Variants in AVPR1A observed in about 807,000 individuals in gnomAD.
AVPR1A encodes arginine vasopressin receptor 1A, also known as vasopressin V1a receptor.
In AVPR1A, 31 loss-of-function variants were observed where a neutral mutation model predicts 31.5. That is an observed-to-expected ratio of 0.99 (90% CI 0.74 to 1.33). The LOEUF is 1.33. Ranked by LOEUF, AVPR1A falls within the 40% of genes most tolerant of loss-of-function variation. AVPR1A has a pLI of 0.00. For synonymous variants in AVPR1A, 243 were observed against 233.2 expected (o/e 1.04, Z -0.38); for missense variants, 570 against 575.2 (o/e 0.99, Z 0.09).
In AVPR1A at chr12:63,145,235, T is replaced by G; in HGVS notation, c.*2124A>C. On this transcript the variant is annotated 3_prime_UTR_variant, in exon 2 of 2. Coordinates refer to ENST00000299178, the MANE Select transcript of AVPR1A (RefSeq NM_000706.5). ...TTGAAAACCTAGGGAGTCCCTAGGT[T>G]TATAATCTCTATAAAGCATTTGGAA... 1 of 362,012 alleles carries G rather than the reference T, an allele frequency of 2.8e-6. No individual in the cohort carries two copies. The highest frequency in any genetic ancestry group is 5.3e-6 in the Non-Finnish European group (1 of 187,876). 22.4% of individuals were successfully genotyped at this position (362,012 alleles called of 1,614,324 possible).
chr12:63,149,489 G>C (rs554027050), intron 1 of AVPR1A, among the ~76,000 whole-genome samples: 6 of 152,264 alleles, frequency 3.9e-5, no homozygotes, highest in African/African-American at 1.4e-4. Flanking sequence ...ACAGTAGCTA[G>C]TGATTTAGCA....
At position 63,147,270 on chromosome 12, in the gene AVPR1A, A is replaced by G; in HGVS notation, c.*89T>C. ...TGAATTGATTTATGGTTATATTAAT[A>G]AAGTGTATTTGTTCTTGTGATTTCT... On this transcript the variant is annotated 3_prime_UTR_variant, in exon 2 of 2. Transcript: ENST00000299178. 5.7e-6 allele frequency: 8 copies of G among 1,414,974 alleles called. No individual in the cohort carries two copies. The highest frequency in any genetic ancestry group is 7.8e-6 in the Non-Finnish European group (8 of 1,026,670). 87.7% of individuals were successfully genotyped at this position (1,414,974 alleles called of 1,614,324 possible).
rs1868435889 is a variant in AVPR1A, at chr12:63,150,074, G to A, written c.763C>T (p.Gln255Ter). The change falls in exon 1 of 2, where the codon CAG becomes TAG. Residue 255 changes from glutamine to a stop codon, truncating the protein, a stop_gained. Transcript: ENST00000299178. LOFTEE classifies it high-confidence loss of function. This position sits in a 1 kb window ranked among gnomAD's most constrained non-coding sequence, Gnocchi z 4.9. ...CNVRGKTASRQSKGAEQAGVA... is the reference protein window; with the variant it reads ...CNVRGKTASR ...CCCGCTTGCTCTGCACCCTTGCTCT[G>A]GCGCGACGCCGTCTTCCCGCGGACG... 1.2e-6 allele frequency: 2 copies of A among 1,613,968 alleles called. No homozygotes were observed. Among genetic ancestry groups the A allele is most frequent in the Admixed American group, 1.7e-5 (1 of 60,004 alleles).
At position 63,149,876 on chromosome 12, in the gene AVPR1A, C is replaced by A. The variant is rs748353963; in HGVS notation, c.961G>T (p.Val321Phe). The A allele has an allele frequency of 1.2e-6, 2 of 1,613,110 alleles. No homozygotes were observed. The highest frequency in any genetic ancestry group is 8.5e-7 in the Non-Finnish European group (1 of 1,179,668). The stretch of plus-strand genomic sequence containing the variant: ...TTTTCCCGGCACGTACCGGTCCAGA[C>A]GGACATGGGATCCCAGACAGACCAC... The part of the protein sequence containing the change: ...QMWSVWDPMS[V>F]WTESENPTIT... Residue 321 changes from valine to phenylalanine, a missense_variant, in exon 1 of 2, where the codon GTC becomes TTC. Physicochemically the swap from Val to Phe is conservative, Grantham distance 50 (BLOSUM62 -1). Coordinates refer to ENST00000299178, the MANE Select transcript of AVPR1A (RefSeq NM_000706.5).
Position 63,144,378 on chromosome 12 carries a change from A to G in AVPR1A, c.*2981T>C, listed in dbSNP as rs1868342253. On this transcript the variant is annotated 3_prime_UTR_variant, in exon 2 of 2. Transcript: ENST00000299178. ...TCAGTTAATATTCATCAAATGCCCA[A>G]CTGATTAGTTTCTCCCTACTGGACA... The G allele has an allele frequency of 1.3e-5, 2 of 152,182 alleles. No individual in the cohort carries two copies. The highest frequency in any genetic ancestry group is 2.4e-5 in the African/African-American group (1 of 41,440). 9.4% of individuals were successfully genotyped at this position (152,182 alleles called of 1,614,324 possible). A position where few individuals can be genotyped will look rare whatever the true frequency, so the allele number is the denominator to read the frequency against.
At position 63,146,948 on chromosome 12, in the gene AVPR1A, T is replaced by C; in HGVS notation, c.*411A>G. 1 of 167,624 alleles carries C rather than the reference T, an allele frequency of 6.0e-6. No individual in the cohort carries two copies. The highest frequency in any genetic ancestry group is 1.6e-4 in the South Asian group (1 of 6,356). The allele number at this position is 167,624 out of a possible 1,614,324, so 10.4% of individuals were successfully genotyped here. A position where few individuals can be genotyped will look rare whatever the true frequency, so the allele number is the denominator to read the frequency against. Reference sequence around the variant, plus strand: ...AACATAATTTCTCTGAAGTTTTCTCTGAATATTAAGACTGATGATGAGCTC... The same window carrying C: ...AACATAATTTCTCTGAAGTTTTCTCCGAATATTAAGACTGATGATGAGCTC... On this transcript the variant is annotated 3_prime_UTR_variant, in exon 2 of 2. Coordinates refer to ENST00000299178, the MANE Select transcript of AVPR1A (RefSeq NM_000706.5).
At position 63,151,021 on chromosome 12, in the gene AVPR1A, A is replaced by G; in HGVS notation, c.-185T>C. On this transcript the variant is annotated 5_prime_UTR_variant, in exon 1 of 2. Coordinates refer to ENST00000299178, the MANE Select transcript of AVPR1A (RefSeq NM_000706.5). ...GGAGCAGCGTCCCGCCTGCCCACTGAGCAGCTCTCAGCAGGGTGAGCTGGC... is the reference window on the plus strand; with the variant it reads ...GGAGCAGCGTCCCGCCTGCCCACTGGGCAGCTCTCAGCAGGGTGAGCTGGC... The G allele has an allele frequency of 1.2e-6, 1 of 823,366 alleles. No individual in the cohort carries two copies. The highest frequency in any genetic ancestry group is 1.8e-6 in the Non-Finnish European group (1 of 549,084). The allele number at this position is 823,366 out of a possible 1,614,324, so 51.0% of individuals were successfully genotyped here.
At chr12:63,149,794 TCTCTCACACACACACA>T (rs1868425644) in intron 1 of AVPR1A, 57 bp downstream of exon 1, 4 of 1,330,298 alleles carry the variant, frequency 3.0e-6, no homozygotes, top group Admixed American at 2.4e-5. Context: ...TCTCTCTCTC[TCTCTCACACACACACA>T]CACACACACA....
rs1242719435 is a variant in AVPR1A, at chr12:63,145,289, A to G, written c.*2070T>C. ...TGTTTTTAGGCCTATCAATACAAGG[A>G]GCCTAAGGGCTGAGAATTTCAAAAG... On this transcript the variant is annotated 3_prime_UTR_variant, in exon 2 of 2. Transcript: ENST00000299178. 12 of 439,040 alleles carry G rather than the reference A, an allele frequency of 2.7e-5. No individual in the cohort carries two copies. The highest frequency in any genetic ancestry group is 5.4e-5 in the Non-Finnish European group (12 of 222,474). 27.2% of individuals were successfully genotyped at this position (439,040 alleles called of 1,614,324 possible). A position where few individuals can be genotyped will look rare whatever the true frequency, so the allele number is the denominator to read the frequency against.
Position 63,150,764 on chromosome 12 carries a change from C to T in AVPR1A, c.73G>A (p.Ala25Thr), listed in dbSNP as rs74745181. ...TCGGCCTCCCGGCTTGTGTTGCCAG[C>T]GCCGGTGGCCAGAGGCCACCATGGG... Reference protein sequence around the residue: ...SSPWWPLATGAGNTSREAEAL... With the variant: ...SSPWWPLATGTGNTSREAEAL... Residue 25 changes from alanine (A) to threonine (T), a missense_variant, in exon 1 of 2, where the codon GCT becomes ACT. Ala to Thr is a moderately conservative substitution (Grantham distance 58). Coordinates refer to ENST00000299178, the MANE Select transcript of AVPR1A (RefSeq NM_000706.5). The surrounding 1 kb of genome is among the most constrained non-coding windows in gnomAD (Gnocchi z 4.9). The T allele has an allele frequency of 1.4e-4, 218 of 1,599,376 alleles. No homozygotes were observed. The African/African-American group carries it at 2.7e-3, about 20-fold the overall frequency.
rs1868331648 is a variant in AVPR1A at position 63,142,877 on chromosome 12, T to C, written c.*4482A>G. On this transcript the variant is annotated 3_prime_UTR_variant, in exon 2 of 2. Transcript: ENST00000299178. Reference sequence around the variant, plus strand: ...TTTCTGTAAAGGACCAAATATTAGATACTATCACAAAACATTTTATCACTC... The same window carrying C: ...TTTCTGTAAAGGACCAAATATTAGACACTATCACAAAACATTTTATCACTC... The C allele has an allele frequency of 6.6e-6, 1 of 152,124 alleles. No individual in the cohort carries two copies. The highest frequency in any genetic ancestry group is 2.4e-5 in the African/African-American group (1 of 41,440). 9.4% of individuals were successfully genotyped at this position (152,124 alleles called of 1,614,324 possible).
At chr12:63,149,392 AT>A (rs1411704362) in intron 1 of AVPR1A, among the ~76,000 whole-genome samples, 1 of 152,206 alleles carries the variant, frequency 6.6e-6, no homozygotes. Flanking sequence ...TTTAAAATTA[AT>A]TGTAATACTT....
In AVPR1A at chr12:63,150,784, C is replaced by A. The variant is rs1345261430; in HGVS notation, c.53G>T (p.Trp18Leu). 6.3e-7 allele frequency: 1 copy of A among 1,597,562 alleles called. No individual in the cohort carries two copies. ...DAGPSGNSSPWWPLATGAGNT... is the reference protein window; with the variant it reads ...DAGPSGNSSPLWPLATGAGNT... ...GCCAGCGCCGGTGGCCAGAGGCCAC[C>A]ATGGGCTGGAGTTGCCCGAGGGCCC... Residue 18 changes from tryptophan to leucine, a missense_variant, in exon 1 of 2, where the codon TGG becomes TTG. Coordinates refer to ENST00000299178, the MANE Select transcript of AVPR1A (RefSeq NM_000706.5). The surrounding 1 kb of genome is among the most constrained non-coding windows in gnomAD (Gnocchi z 4.9).
At chr12:63,148,346 T>C (rs1458154614) in intron 1 of AVPR1A, among the ~76,000 whole-genome samples, 2 of 152,152 alleles carry the variant, frequency 1.3e-5, no homozygotes, top group Non-Finnish European at 2.9e-5. Context: ...ACAGTGCTGA[T>C]AATATACCTT....
At chr12:63,149,552 T>C (rs1473860137) in intron 1 of AVPR1A, among the ~76,000 whole-genome samples, 2 of 152,140 alleles carry the variant, frequency 1.3e-5, no homozygotes, top group Admixed American at 1.3e-4. Context: ...ACACAGTTTC[T>C]GGAATTGTGG....
Position 63,150,359 on chromosome 12 carries a change from G to A in AVPR1A, c.478C>T (p.Leu160=), listed in dbSNP as rs146296879. ...CGCGAGCGGCGCGCGGGCTGTTGCAGAGTCTTGAGCGGGTGGCACACCGCG... is the reference window on the plus strand; with the variant it reads ...CGCGAGCGGCGCGCGGGCTGTTGCAAAGTCTTGAGCGGGTGGCACACCGCG... ...YIAVCHPLKT[L]QQPARRSRLM... Residue 160 remains leucine (L), a synonymous_variant, in exon 1 of 2, where the codon CTG becomes TTG. Coordinates refer to ENST00000299178, the MANE Select transcript of AVPR1A (RefSeq NM_000706.5). The surrounding 1 kb of genome is among the most constrained non-coding windows in gnomAD (Gnocchi z 4.9). 98 of 1,613,924 alleles carry A rather than the reference G, an allele frequency of 6.1e-5. No individual in the cohort carries two copies. In the African/African-American group the frequency reaches 1.1e-3, roughly 18 times the overall value.
Position 63,150,386 on chromosome 12 carries a change from TGTAGCG to T in AVPR1A, c.445_450del (p.Arg149_Tyr150del). 6.2e-7 allele frequency: 1 copy of T among 1,613,884 alleles called. No homozygotes were observed. Among genetic ancestry groups the T allele is most frequent in the South Asian group, 1.1e-5 (1 of 91,090 alleles). On this transcript the variant is annotated inframe_deletion, in exon 1 of 2. Transcript: ENST00000299178. This position sits in a 1 kb window ranked among gnomAD's most constrained non-coding sequence, Gnocchi z 4.9. ...GTCTTGAGCGGGTGGCACACCGCGA[TGTAGCG>T]GTCGGCTGTCATGACTACCAGCATG...
rs763745233 is a variant in AVPR1A, at chr12:63,150,261, G to T, written c.576C>A (p.Ile192=). ...GGGCCTTGGTGACATTGTTCACCTC[G>T]ATCATGGAGAAGACGAAGTACTGCG... ...STPQYFVFSM[I]EVNNVTKARD... Residue 192 remains isoleucine (I), a synonymous_variant, in exon 1 of 2, where the codon ATC becomes ATA. Transcript: ENST00000299178. This position sits in a 1 kb window ranked among gnomAD's most constrained non-coding sequence, Gnocchi z 4.9. The T allele has an allele frequency of 1.2e-6, 2 of 1,613,888 alleles. No homozygotes were observed. Among genetic ancestry groups the T allele is most frequent in the South Asian group, 1.1e-5 (1 of 91,066 alleles).
Position 63,144,515 on chromosome 12 carries a change from T to G in AVPR1A, c.*2844A>C, listed in dbSNP as rs927637494. On this transcript the variant is annotated 3_prime_UTR_variant, in exon 2 of 2. Transcript: ENST00000299178. ...TAAAATAAGGTGCTGCAACACATTT[T>G]TTTCTTGACTGTAAGCTGTTATTTG... 6.6e-6 allele frequency: 1 copy of G among 152,248 alleles called. No homozygotes were observed. The highest frequency in any genetic ancestry group is 2.4e-5 in the African/African-American group (1 of 41,470). 9.4% of individuals were successfully genotyped at this position (152,248 alleles called of 1,614,324 possible). A position where few individuals can be genotyped will look rare whatever the true frequency, so the allele number is the denominator to read the frequency against.
Sources: allele counts gnomAD v4.1 joint callset (sites outside exome capture counted in the v4.1 genomes callset), GRCh38; gene constraint gnomAD v4.1.1; non-coding constraint Gnocchi (gnomAD v3.1); transcripts MANE v1.5; gene names NCBI Gene and HGNC (gene_info 2026-07-23, HGNC 2026-07-21).